CAP2: variants seen among roughly 807,000 people sequenced by gnomAD.
CAP2 encodes adenylyl cyclase-associated protein 2.
Under a neutral mutation model 57.7 loss-of-function variants are expected in CAP2, and 24 were observed. The ratio of observed to expected loss-of-function variants is 0.42; its 90% CI spans 0.30 to 0.58. The LOEUF (loss-of-function observed/expected upper bound fraction) is 0.58. Ranked by LOEUF, CAP2 falls within the 20% of genes least tolerant of loss-of-function variation. The pLI is 0.22. For synonymous variants in CAP2, 194 were observed against 207.2 expected, an observed-to-expected ratio of 0.94 and a Z score of 0.55; for missense variants, 501 against 590.3, an observed-to-expected ratio of 0.85 and a Z score of 1.57.
At chr6:17,506,579 G>A (rs1201011647) in intron 4 of CAP2, among the ~76,000 whole-genome samples, 11 of 151,856 alleles carry the variant, frequency 7.2e-5, no homozygotes, top group African/African-American at 1.5e-4. Context: ...GGCGGAGGTC[G>A]CAGTGAGCCA....
At chr6:17,491,787 G>A (rs1003874274) in intron 4 of CAP2, among the ~76,000 whole-genome samples, 1 of 152,188 alleles carries the variant, frequency 6.6e-6, no homozygotes, top group African/African-American at 2.4e-5. Flanking sequence ...TAATGCTAAT[G>A]TTTCCACCAA....
rs147560934 is a variant in CAP2, at chr6:17,514,101, C to A, written c.636+147C>A. 8.1e-3 allele frequency: 5,004 copies of A among 621,412 alleles called. 175 individuals carry two copies. Among genetic ancestry groups the A allele is most frequent in the African/African-American group, 0.079 (4,282 of 54,522 alleles). 38.5% of individuals were successfully genotyped at this position (621,412 alleles called of 1,614,324 possible). A position where few individuals can be genotyped will look rare whatever the true frequency, so the allele number is the denominator to read the frequency against. On this transcript the variant is annotated intron_variant, in intron 7 of 12. Coordinates refer to ENST00000229922, the MANE Select transcript of CAP2 (RefSeq NM_006366.3). ...GTGGAGGGCCAGGCGCGGTGGCTCA[C>A]GCCTGTAATCCCAGCACTTTGGGAG...
chr6:17,430,023 G>A (rs1470055176), intron 3 of CAP2, among the ~76,000 whole-genome samples: 1 of 152,216 alleles, frequency 6.6e-6, no homozygotes, highest in African/African-American at 2.4e-5. Context: ...AAATTTGAGA[G>A]TGACACAAAT....
intron 7 of CAP2, among the ~76,000 whole-genome samples, chr6:17,535,155 T>G (rs1052572788): frequency 6.6e-6 from 1 of 152,182 alleles, no homozygotes; most frequent in Admixed American, 6.5e-5. Context: ...AGATAAAAAC[T>G]GAGCCAGATA....
intron 3 of CAP2, among the ~76,000 whole-genome samples, chr6:17,449,716 T>A (rs1421451341): frequency 6.6e-6 from 1 of 152,168 alleles, no homozygotes; most frequent in African/African-American, 2.4e-5. Context: ...GCCAATTATT[T>A]TATAGTTATA....
chr6:17,550,985 A>G (rs537535677), intron 11 of CAP2, among the ~76,000 whole-genome samples: 139 of 152,320 alleles, frequency 9.1e-4, no homozygotes, highest in African/African-American at 2.9e-3. Context: ...TTCAGGAAAA[A>G]TCTACTCAGT....
intron 3 of CAP2, among the ~76,000 whole-genome samples, chr6:17,449,369 C>T (rs1287493383): frequency 6.6e-6 from 1 of 151,998 alleles, no homozygotes; most frequent in Admixed American, 6.6e-5. Flanking sequence ...CTATTGTAAA[C>T]CAAATTGCAG....
intron 3 of CAP2, among the ~76,000 whole-genome samples, chr6:17,439,195 A>G (rs1027882425): frequency 1.3e-5 from 2 of 151,400 alleles, no homozygotes; most frequent in African/African-American, 4.9e-5. Context: ...TTTTTGACAC[A>G]TAAATTTGAT....
intron 1 of CAP2, among the ~76,000 whole-genome samples, chr6:17,411,916 A>G (rs1438236176): frequency 6.6e-6 from 1 of 152,184 alleles, no homozygotes; most frequent in African/African-American, 2.4e-5. Flanking sequence ...CCTCAACTGC[A>G]TAGGTGCTTA....
chr6:17,539,322 C>G lies in CAP2; in HGVS notation c.690C>G (p.Gly230=), dbSNP rs1474951060. ...SAFSVLSSGP[G]LPPPPPPLPP... is the part of the protein sequence containing the mutation. Reference sequence around the variant, plus strand: ...TTTCTGTCCTCTCCTCTGGGCCTGGCCTTCCTCCACCCCCTCCTCCTCTGC... The same window carrying G: ...TTTCTGTCCTCTCCTCTGGGCCTGGGCTTCCTCCACCCCCTCCTCCTCTGC... Residue 230 remains glycine (G), a synonymous_variant, in exon 8 of 13, where the codon GGC becomes GGG. Transcript: ENST00000229922. 5 of 1,613,910 alleles carry G rather than the reference C, an allele frequency of 3.1e-6. No individual in the cohort carries two copies. In the Admixed American group the frequency reaches 6.7e-5, roughly 22 times the overall value.
intron 12 of CAP2, 79 bp from the exon 13 acceptor site, chr6:17,556,280 A>G: frequency 1.0e-6 from 1 of 993,330 alleles, no homozygotes; most frequent in Non-Finnish European, 1.6e-6. Context: ...CAGCCTCACC[A>G]TCTGTTTGCA....
intron 7 of CAP2, among the ~76,000 whole-genome samples, chr6:17,520,263 A>G (rs920526791): frequency 1.3e-5 from 2 of 151,986 alleles, no homozygotes; most frequent in Admixed American, 6.6e-5. Context: ...GTGCACCAAC[A>G]TGCCTGGCTA....
chr6:17,478,719 T>A (rs1035148668), intron 4 of CAP2, among the ~76,000 whole-genome samples: 2 of 152,118 alleles, frequency 1.3e-5, no homozygotes, highest in African/African-American at 4.8e-5. Flanking sequence ...GAACACTCTG[T>A]CCTCCCTGAT....
intron 4 of CAP2, among the ~76,000 whole-genome samples, chr6:17,503,251 C>T (rs1053186698): frequency 1.3e-5 from 2 of 152,100 alleles, no homozygotes; most frequent in Non-Finnish European, 2.9e-5. Context: ...AAGGTGACGG[C>T]AGGGTTGGTC....
chr6:17,522,620 C>T (rs4716152), intron 7 of CAP2, among the ~76,000 whole-genome samples: 24,085 of 152,048 alleles, frequency 0.16, 2,456 homozygotes, highest in Middle Eastern at 0.24. Flanking sequence ...AGCATATGTA[C>T]GTAAGACATG....
intron 4 of CAP2, among the ~76,000 whole-genome samples, chr6:17,465,090 G>C (rs1225973141): frequency 6.6e-6 from 1 of 152,256 alleles, no homozygotes; most frequent in Admixed American, 6.5e-5. Flanking sequence ...ATTCCAGCAT[G>C]AGCCATAGTC....
chr6:17,489,227 T>A lies in CAP2; in HGVS notation c.301-17942T>A, dbSNP rs562359347. Among the ~76,000 whole-genome samples, 82 of 151,474 alleles carry A rather than the reference T, an allele frequency of 5.4e-4. 1 individual carries two copies. The highest frequency in any genetic ancestry group is 3.6e-3 in the South Asian group (17 of 4,768). On this transcript the variant is annotated intron_variant, in intron 4 of 12. Coordinates refer to ENST00000229922, the MANE Select transcript of CAP2 (RefSeq NM_006366.3). ...GGCGGGCACATCACGAGGTCAGGAG[T>A]TCAAGACCAGCCTGGTCAACATGGT...
chr6:17,458,534 A>G (rs571241203), intron 3 of CAP2, among the ~76,000 whole-genome samples: 59 of 152,234 alleles, frequency 3.9e-4, no homozygotes, highest in Non-Finnish European at 4.0e-4. Flanking sequence ...GTTTTGGAAC[A>G]TTTGTCAGAT....
chr6:17,464,016 G>A (rs1262777541), intron 4 of CAP2, among the ~76,000 whole-genome samples: 2 of 152,124 alleles, frequency 1.3e-5, no homozygotes, highest in Admixed American at 6.5e-5. Flanking sequence ...GCGGAGGTCC[G>A]TCTCATTCCC....
Sources: gnomAD v4.1 joint callset for allele counts (sites outside exome capture counted in the v4.1 genomes callset) on GRCh38, gnomAD v4.1.1 for gene constraint, MANE v1.5 for transcripts, NCBI Gene and HGNC (gene_info 2026-07-23, HGNC 2026-07-21) for gene names.